Variants in PHACTR4 observed in about 807,000 individuals in gnomAD.
PHACTR4 encodes phosphatase and actin regulator 4.
Under a neutral mutation model 72.7 loss-of-function variants are expected in PHACTR4, and 51 were observed. The ratio of observed to expected loss-of-function variants is 0.70; its 90% CI spans 0.56 to 0.89. PHACTR4 has a LOEUF of 0.89. Ranked by LOEUF, PHACTR4 falls within the 40% of genes least tolerant of loss-of-function variation. The pLI is 0.00. For missense variants in PHACTR4, 731 were observed against 861.8 expected (o/e 0.85, Z 1.90); for synonymous variants, 255 against 302.5 (o/e 0.84, Z 1.63).
At position 28,490,956 on chromosome 1, in the gene PHACTR4, A is replaced by C; in HGVS notation, c.1822A>C (p.Asn608His). Residue 608 changes from asparagine (N) to histidine (H), a missense_variant, in exon 11 of 14, where the codon AAT becomes CAT. Physicochemically the swap from Asn to His is moderately conservative, Grantham distance 68 (BLOSUM62 1). Around this residue, in one of 2 missense-constraint regions of PHACTR4, gnomAD observed 110 missense variants for 185.2 expected, o/e 0.59. Coordinates refer to ENST00000373839, the MANE Select transcript of PHACTR4 (RefSeq NM_001048183.3). Reference protein sequence around the residue: ...LEQRNILQPKNEADRQAEKRE... With the variant: ...LEQRNILQPKHEADRQAEKRE... ...CTTCTGATTGTCAACTGTAGCTAAAAATGAAGCTGATCGTCAGGCAGAAAA... is the reference window on the plus strand; with the variant it reads ...CTTCTGATTGTCAACTGTAGCTAAACATGAAGCTGATCGTCAGGCAGAAAA... The C allele has an allele frequency of 6.2e-7, 1 of 1,613,908 alleles. No homozygotes were observed. The highest frequency in any genetic ancestry group is 8.5e-7 in the Non-Finnish European group (1 of 1,179,790).
intron 2 of PHACTR4, among the ~76,000 whole-genome samples, chr1:28,442,118 C>A (rs1437814150): frequency 6.6e-6 from 1 of 152,122 alleles, no homozygotes. Context: ...TATCACATAT[C>A]CTTAAATTAG....
rs114893697 is a variant in PHACTR4 at position 28,470,794 on chromosome 1, T to C, written c.824-2760T>C. 4.2e-3 allele frequency among the ~76,000 whole-genome samples: 632 copies of C among 151,438 alleles called. 2 individuals are homozygous for C. The highest frequency in any genetic ancestry group is 8.1e-3 in the Non-Finnish European group (547 of 67,826). On this transcript the variant is annotated intron_variant, in intron 6 of 13. Coordinates refer to ENST00000373839, the MANE Select transcript of PHACTR4 (RefSeq NM_001048183.3). ...ATCCCAGCACTTTGGGAGGCTGAGA[T>C]AGGTGTATCACTGGAGCCCAGGACC... is the stretch of plus-strand genomic sequence containing the variant.
chr1:28,457,464 G>A, intron 2 of PHACTR4: 1 of 306,372 alleles, frequency 3.3e-6, no homozygotes, highest in East Asian at 8.3e-5. Context: ...TTAGCCAGGA[G>A]TGATGGTACA....
At chr1:28,391,200 C>T (rs1652994870) in intron 1 of PHACTR4, among the ~76,000 whole-genome samples, 1 of 150,206 alleles carries the variant, frequency 6.7e-6, no homozygotes, top group African/African-American at 2.5e-5. Context: ...GAGATGGAGA[C>T]CATCCTGGCT....
At chr1:28,370,250 G>T (rs1651129008) in intron 1 of PHACTR4, among the ~76,000 whole-genome samples, 1 of 152,212 alleles carries the variant, frequency 6.6e-6, no homozygotes, top group Admixed American at 6.5e-5. Flanking sequence ...AAACCGTCCT[G>T]CCTCAGACCT....
chr1:28,413,203 A>C (rs1654896246), intron 2 of PHACTR4, among the ~76,000 whole-genome samples: 1 of 152,226 alleles, frequency 6.6e-6, no homozygotes, highest in African/African-American at 2.4e-5. Context: ...TCAAAGAAGA[A>C]ATCCATAAGC....
At chr1:28,391,709 G>A (rs137966550) in intron 1 of PHACTR4, among the ~76,000 whole-genome samples, 31,000 of 147,924 alleles carry the variant, frequency 0.21, 3,959 homozygotes, top group Middle Eastern at 0.31. Flanking sequence ...AGGTTCAAGC[G>A]ATTCTCCTGC....
intron 8 of PHACTR4, among the ~76,000 whole-genome samples, chr1:28,478,015 G>A (rs575258593): frequency 3.3e-5 from 5 of 152,078 alleles, no homozygotes; most frequent in Non-Finnish European, 7.4e-5. Context: ...ATCTAATTCT[G>A]TTTTTATACC....
intron 8 of PHACTR4, among the ~76,000 whole-genome samples, chr1:28,478,393 G>C (rs1570081451): frequency 6.6e-6 from 1 of 151,888 alleles, no homozygotes; most frequent in Non-Finnish European, 1.5e-5. Flanking sequence ...CCTTTCTTTT[G>C]GATATGTACC....
At chr1:28,423,408 CAAATAAATAAAT>C (rs148724281) in intron 2 of PHACTR4, among the ~76,000 whole-genome samples, 93 of 147,686 alleles carry the variant, frequency 6.3e-4, no homozygotes, top group Non-Finnish European at 1.1e-3. Flanking sequence ...GATCCTGCCT[CAAATAAATAAAT>C]AAATAAATAA....
chr1:28,448,229 A>C (rs1657614343), intron 2 of PHACTR4, among the ~76,000 whole-genome samples: 1 of 152,062 alleles, frequency 6.6e-6, no homozygotes, highest in Non-Finnish European at 1.5e-5. Context: ...AATTTTGGAC[A>C]AATAGGCTGG....
rs191942965 is a variant in PHACTR4, at chr1:28,491,770, C to A, written c.1999C>A (p.Leu667Met). 1.2e-6 allele frequency: 2 copies of A among 1,613,906 alleles called. No individual in the cohort carries two copies. The change falls in exon 12 of 14, where the codon CTG becomes ATG. Residue 667 changes from leucine (L) to methionine (M), a missense_variant. This residue lies in a region of PHACTR4 where 110 missense variants were observed against 185.2 expected (regional missense o/e 0.59). Coordinates refer to ENST00000373839, the MANE Select transcript of PHACTR4 (RefSeq NM_001048183.3). ...DRRADKPWTK[L>M]TPADKAAIRK... ...GCGAGCCGACAAACCTTGGACCAAACTGACCCCTGCTGACAAGGTACCTGG... is the reference window on the plus strand; with the variant it reads ...GCGAGCCGACAAACCTTGGACCAAAATGACCCCTGCTGACAAGGTACCTGG...
intron 9 of PHACTR4, among the ~76,000 whole-genome samples, chr1:28,482,282 G>T (rs1660330422): frequency 6.6e-6 from 1 of 152,146 alleles, no homozygotes; most frequent in African/African-American, 2.4e-5. Flanking sequence ...AGAACAGAAA[G>T]GCTCCTCTGT....
intron 2 of PHACTR4, among the ~76,000 whole-genome samples, chr1:28,415,232 G>A (rs1013976342): frequency 1.3e-4 from 19 of 150,140 alleles, no homozygotes; most frequent in African/African-American, 4.2e-4. Flanking sequence ...CTCCACGCCA[G>A]CCTGGGCAAC....
At chr1:28,420,062 T>C (rs1239107013) in intron 2 of PHACTR4, among the ~76,000 whole-genome samples, 1 of 152,130 alleles carries the variant, frequency 6.6e-6, no homozygotes, top group Non-Finnish European at 1.5e-5. Flanking sequence ...GAGCGCAGCC[T>C]GAGCAACATT....
Position 28,410,808 on chromosome 1 carries a change from G to A in PHACTR4, c.16+3345G>A, listed in dbSNP as rs537244810. Among the ~76,000 whole-genome samples, 3 of 152,256 alleles carry A rather than the reference G, an allele frequency of 2.0e-5. No homozygotes were observed. In the South Asian group the frequency reaches 6.2e-4, roughly 32 times the overall value. On this transcript the variant is annotated intron_variant, in intron 2 of 13. Transcript: ENST00000373839. ...TGCAACCTCCACCTCCCGGGTTCAA[G>A]TGATTCTCCTGCCTCAGCCTCCTGA...
intron 9 of PHACTR4, among the ~76,000 whole-genome samples, chr1:28,484,930 C>T (rs1225459877): frequency 6.6e-6 from 1 of 152,052 alleles, no homozygotes. Context: ...CACACCACTG[C>T]ACTCCAGCCT....
chr1:28,383,760 A>G (rs975964016), intron 1 of PHACTR4, among the ~76,000 whole-genome samples: 3 of 152,212 alleles, frequency 2.0e-5, no homozygotes, highest in Non-Finnish European at 2.9e-5. Context: ...TGCTGAGACC[A>G]TGAGGTTTTC....
chr1:28,454,245 A>T (rs1658195586), intron 2 of PHACTR4, among the ~76,000 whole-genome samples: 1 of 151,430 alleles, frequency 6.6e-6, no homozygotes, highest in Non-Finnish European at 1.5e-5. Flanking sequence ...AAAAATTAAT[A>T]GAACTAAGAG....
Sources: allele counts gnomAD v4.1 joint callset (sites outside exome capture counted in the v4.1 genomes callset), GRCh38; gene constraint gnomAD v4.1.1; regional missense constraint gnomAD v4.1.1; transcripts MANE v1.5; gene names NCBI Gene and HGNC (gene_info 2026-07-23, HGNC 2026-07-21).